RAPGEF2: variants seen among roughly 807,000 people sequenced by gnomAD.
RAPGEF2 encodes Rap guanine nucleotide exchange factor 2.
RAPGEF2 carries 54 observed loss-of-function variants against 186.7 expected under a neutral mutation model. The ratio of observed to expected loss-of-function variants is 0.29; its 90% CI spans 0.23 to 0.36. The LOEUF is 0.36. RAPGEF2 is among the 10% of genes least tolerant of loss of function. The pLI, the probability that RAPGEF2 is intolerant of heterozygous loss-of-function variation, is 1.00. For synonymous variants in RAPGEF2, 712 were observed against 705.9 expected (o/e 1.01, Z -0.14); for missense variants, 1,532 against 2,045.0 (o/e 0.75, Z 4.84).
At chr4:159,125,365 A>G (rs1740171112) in intron 1 of RAPGEF2, among the ~76,000 whole-genome samples, 1 of 152,222 alleles carries the variant, frequency 6.6e-6, no homozygotes, top group South Asian at 2.1e-4. Context: ...TCTTGTGTCA[A>G]AACAGAAACT....
chr4:159,194,000 CAG>C (rs1748376982), intron 3 of RAPGEF2, among the ~76,000 whole-genome samples: 2 of 152,034 alleles, frequency 1.3e-5, no homozygotes, highest in Admixed American at 1.3e-4. Context: ...ACAACAACAA[CAG>C]AAACAAACAA....
At chr4:159,299,690 G>A (rs752890757) in intron 7 of RAPGEF2, among the ~76,000 whole-genome samples, 7 of 151,778 alleles carry the variant, frequency 4.6e-5, no homozygotes, top group Non-Finnish European at 8.8e-5. Context: ...TGGTATCAGA[G>A]ACTTCAAGGC....
In RAPGEF2 at chr4:159,106,154, A is replaced by G. The variant is rs1223745720; in HGVS notation, c.69+1923A>G. Reference sequence around the variant, plus strand: ...CAGCTACTACTAACCCACGACATGAAAGCTTTATTGACAGTCGGAAGGCAG... The same window carrying G: ...CAGCTACTACTAACCCACGACATGAGAGCTTTATTGACAGTCGGAAGGCAG... On this transcript the variant is annotated intron_variant, in intron 1 of 29. Coordinates refer to ENST00000691494, the MANE Select transcript of RAPGEF2 (RefSeq NM_001394067.2). Among the ~76,000 whole-genome samples, 3 of 152,242 alleles carry G rather than the reference A, an allele frequency of 2.0e-5. No homozygotes were observed. The East Asian group carries it at 5.8e-4, about 29-fold the overall frequency.
chr4:159,314,504 T>C, intron 8 of RAPGEF2, 87 bp from the exon 9 acceptor site: 1 of 1,227,358 alleles, frequency 8.1e-7, no homozygotes, highest in South Asian at 1.8e-5. Context: ...ACAAGCATTA[T>C]TTTGAATGAG....
chr4:159,108,174 A>T (rs868426517), intron 1 of RAPGEF2, among the ~76,000 whole-genome samples: 89 of 152,322 alleles, frequency 5.8e-4, no homozygotes, highest in African/African-American at 2.1e-3. Flanking sequence ...AATTTATGAT[A>T]AAAATATTAA....
At chr4:159,132,282 A>C (rs1458367458) in intron 1 of RAPGEF2, among the ~76,000 whole-genome samples, 2 of 152,244 alleles carry the variant, frequency 1.3e-5, no homozygotes, top group Non-Finnish European at 2.9e-5. Context: ...TGAAAGAGTT[A>C]CTTTGCTAGA....
intron 11 of RAPGEF2, among the ~76,000 whole-genome samples, chr4:159,325,191 A>AT (rs1257461660): frequency 6.6e-6 from 1 of 152,166 alleles, no homozygotes; most frequent in Non-Finnish European, 1.5e-5. Flanking sequence ...GGAAAAAAAA[A>AT]ATAAGGCTAT....
intron 7 of RAPGEF2, among the ~76,000 whole-genome samples, chr4:159,278,527 G>T (rs1208841593): frequency 6.6e-6 from 1 of 152,200 alleles, no homozygotes; most frequent in Non-Finnish European, 1.5e-5. Flanking sequence ...AAGTGAAACT[G>T]CTGCTAGTAA....
chr4:159,210,405 A>G, intron 3 of RAPGEF2, 95 bp from the exon 4 acceptor site: 1 of 718,694 alleles, frequency 1.4e-6, no homozygotes, highest in Non-Finnish European at 2.2e-6. Flanking sequence ...ATTATTTTAA[A>G]AGTAATATGG....
chr4:159,294,261 T>G (rs898686624), intron 7 of RAPGEF2, among the ~76,000 whole-genome samples: 3 of 152,340 alleles, frequency 2.0e-5, no homozygotes, highest in Admixed American at 2.0e-4. Context: ...TTCTTTGACT[T>G]TAAACACTCA....
At chr4:159,127,541 C>G (rs995434658) in intron 1 of RAPGEF2, among the ~76,000 whole-genome samples, 1 of 152,102 alleles carries the variant, frequency 6.6e-6, no homozygotes, top group Admixed American at 6.5e-5. Context: ...TTTTAGCTTG[C>G]GTTTCTTCTG....
intron 7 of RAPGEF2, among the ~76,000 whole-genome samples, chr4:159,279,884 A>G (rs1327320903): frequency 6.6e-6 from 1 of 151,982 alleles, no homozygotes; most frequent in Non-Finnish European, 1.5e-5. Flanking sequence ...GGGTTTCACC[A>G]TGTTGGCCAG....
intron 1 of RAPGEF2, among the ~76,000 whole-genome samples, chr4:159,111,495 G>T (rs1738496224): frequency 6.6e-6 from 1 of 152,200 alleles, no homozygotes; most frequent in Non-Finnish European, 1.5e-5. Flanking sequence ...GCACCTTTCT[G>T]TTCTTCTCTA....
rs1350001568 is a variant in RAPGEF2 at position 159,346,859 on chromosome 4, A to G, written c.3573A>G (p.Ser1191=). The change falls in exon 25 of 30, where the codon TCA becomes TCG. Residue 1191 remains serine, a synonymous_variant. Coordinates refer to ENST00000691494, the MANE Select transcript of RAPGEF2 (RefSeq NM_001394067.2). ...ETSPVAPRAG[S]QQKAQSLPQP... is the part of the protein sequence containing the mutation. ...CTCCAGTAGCTCCAAGGGCAGGGTC[A>G]CAACAGAAAGCTCAGTCCCTGCCAC... The G allele has an allele frequency of 1.9e-6, 3 of 1,614,102 alleles. No individual in the cohort carries two copies. In the East Asian group the frequency reaches 6.7e-5, roughly 36 times the overall value.
At chr4:159,105,036 T>G (rs1737725161) in intron 1 of RAPGEF2, among the ~76,000 whole-genome samples, 1 of 152,234 alleles carries the variant, frequency 6.6e-6, no homozygotes, top group Non-Finnish European at 1.5e-5. Context: ...TTTATACATT[T>G]GTTTACCTGC....
In RAPGEF2 at chr4:159,284,171, C is replaced by T. The variant is rs554386638; in HGVS notation, c.544-20171C>T. Among the ~76,000 whole-genome samples the T allele has an allele frequency of 2.6e-5, 4 of 152,222 alleles. No individual in the cohort carries two copies. In the South Asian group the frequency reaches 8.3e-4, roughly 32 times the overall value. ...CCTTTTAACTTCCCAATACACCCCA[C>T]CAGAATAACAGTTGTTTTTTTAGAG... On this transcript the variant is annotated intron_variant, in intron 7 of 29. Coordinates refer to ENST00000691494, the MANE Select transcript of RAPGEF2 (RefSeq NM_001394067.2).
At chr4:159,203,459 A>G (rs576233042) in intron 3 of RAPGEF2, among the ~76,000 whole-genome samples, 1 of 152,226 alleles carries the variant, frequency 6.6e-6, no homozygotes, top group South Asian at 2.1e-4. Flanking sequence ...TCACGTGAGC[A>G]TGTACACAGG....
chr4:159,249,050 A>G (rs1754987038), intron 7 of RAPGEF2, among the ~76,000 whole-genome samples: 1 of 152,156 alleles, frequency 6.6e-6, no homozygotes, highest in Admixed American at 6.5e-5. Context: ...AAGTCATGCA[A>G]TATTTCAAGC....
At chr4:159,161,913 T>C (rs7694720) in intron 1 of RAPGEF2, among the ~76,000 whole-genome samples, 56,359 of 152,056 alleles carry the variant, frequency 0.37, 10,488 homozygotes, top group African/African-American at 0.39. Flanking sequence ...AAGTGAGCTA[T>C]AGTAATTTAG....
Sources: allele counts gnomAD v4.1 joint callset (sites outside exome capture counted in the v4.1 genomes callset), GRCh38; gene constraint gnomAD v4.1.1; transcripts MANE v1.5; gene names NCBI Gene and HGNC (gene_info 2026-07-23, HGNC 2026-07-21).